NOL6: variants seen among roughly 807,000 people sequenced by gnomAD.
The protein encoded by NOL6 is nucleolar RNA-associated protein.
NOL6 carries 33 observed loss-of-function variants against 131.7 expected under a neutral mutation model. The ratio of observed to expected loss-of-function variants is 0.25; its 90% CI spans 0.19 to 0.33. NOL6 has a LOEUF of 0.33. Among genes scored for constraint, NOL6 ranks in the 10% least tolerant of loss-of-function variants. The probability of loss-of-function intolerance (pLI) is 1.00; values close to 1 mark genes in which losing one functional copy is unlikely to be tolerated. For missense variants in NOL6, 1,297 were observed against 1,494.5 expected (o/e 0.87, Z 2.18); for synonymous variants, 580 against 605.7 (o/e 0.96, Z 0.62).
rs1827442061 is a variant in NOL6 at position 33,472,532 on chromosome 9, G to A, written c.55-120C>T. On this transcript the variant is annotated intron_variant, in intron 1 of 25. Coordinates refer to ENST00000297990, the MANE Select transcript of NOL6 (RefSeq NM_022917.5). ...ACCTGCTCTGTCCCTCTTTTGAGTA[G>A]GAGTCAGATTTTGTAAAACTCAGGA... 1.0e-5 allele frequency: 8 copies of A among 771,410 alleles called. No homozygotes were observed. The Admixed American group carries it at 1.9e-4, about 18-fold the overall frequency. The allele number at this position is 771,410 out of a possible 1,614,324, so 47.8% of individuals were successfully genotyped here.
At chr9:33,470,242 T>G (rs577926244) in intron 3 of NOL6, 51 bp from the exon 4 acceptor site, 1 of 1,423,112 alleles carries the variant, frequency 7.0e-7, no homozygotes, top group East Asian at 2.5e-5. Flanking sequence ...CTTCCTCACA[T>G]GTACCCTTTA....
At position 33,467,018 on chromosome 9, in the gene NOL6, AT is replaced by A; in HGVS notation, c.1875-32del. On this transcript the variant is annotated intron_variant, in intron 14 of 25. Coordinates refer to ENST00000297990, the MANE Select transcript of NOL6 (RefSeq NM_022917.5). The surrounding 1 kb of genome is among the most constrained non-coding windows in gnomAD (Gnocchi z 4.4). ...AAAGAGGCAGAGACACAGTGAGAAA[AT>A]TTGGGGCTATGTTCTCGCTCAACTG... 6.2e-7 allele frequency: 1 copy of A among 1,613,974 alleles called. No homozygotes were observed. The highest frequency in any genetic ancestry group is 1.1e-5 in the South Asian group (1 of 91,058).
chr9:33,468,410 C>T lies in NOL6; in HGVS notation c.1219G>A (p.Asp407Asn). The change falls in exon 10 of 26, where the codon GAC becomes AAC. Residue 407 changes from aspartate to asparagine, a missense_variant. Coordinates refer to ENST00000297990, the MANE Select transcript of NOL6 (RefSeq NM_022917.5). Reference protein sequence around the residue: ...SSDPSLPALADFHQAFSVVFL... With the variant: ...SSDPSLPALANFHQAFSVVFL... ...ACAACGGAGAAGGCCTGGTGGAAGT[C>T]AGCCAGGGCCGGCTTGGGGGGTGTA... 1 of 1,614,138 alleles carries T rather than the reference C, an allele frequency of 6.2e-7. No homozygotes were observed. Among genetic ancestry groups the T allele is most frequent in the African/African-American group, 1.3e-5 (1 of 75,054 alleles).
chr9:33,470,163 C>G lies in NOL6; in HGVS notation c.407G>C (p.Gly136Ala), dbSNP rs1827369434. ...CACTTGGTGGAGGGGCACTCGAACC[C>G]CAGCTGGGAGCCATGCCTGGTCAGT... is the stretch of plus-strand genomic sequence containing the variant. ...ELTDQAWLPA[G>A]VRVPLHQVPY... The change falls in exon 4 of 26, where the codon GGG becomes GCG. Residue 136 changes from glycine (G) to alanine (A), a missense_variant. Physicochemically the swap from Gly to Ala is moderately conservative, Grantham distance 60 (BLOSUM62 0). Coordinates refer to ENST00000297990, the MANE Select transcript of NOL6 (RefSeq NM_022917.5). The G allele has an allele frequency of 6.3e-7, 1 of 1,597,830 alleles. No homozygotes were observed. Among genetic ancestry groups the G allele is most frequent in the Non-Finnish European group, 8.6e-7 (1 of 1,169,448 alleles).
chr9:33,467,361 A>G lies in NOL6; in HGVS notation c.1725+33T>C. ...AGGTGCCATGAGGACGAGCCACCCC[A>G]TTCCTTCCAGTGTACATGCTGGGGT... On this transcript the variant is annotated intron_variant, in intron 13 of 25. Coordinates refer to ENST00000297990, the MANE Select transcript of NOL6 (RefSeq NM_022917.5). This position sits in a 1 kb window ranked among gnomAD's most constrained non-coding sequence, Gnocchi z 4.4. 6.2e-7 allele frequency: 1 copy of G among 1,612,182 alleles called. No homozygotes were observed. Among genetic ancestry groups the G allele is most frequent in the Non-Finnish European group, 8.5e-7 (1 of 1,178,498 alleles).
In NOL6 at chr9:33,466,214, G is replaced by A. The variant is rs1431028105; in HGVS notation, c.2221C>T (p.Leu741=). The A allele has an allele frequency of 6.2e-7, 1 of 1,611,200 alleles. No homozygotes were observed. Among genetic ancestry groups the A allele is most frequent in the Admixed American group, 1.7e-5 (1 of 59,838 alleles). The part of the protein sequence containing the change: ...YVEPMTVVCH[L]EGSGQWPQDA... ...TGTGGCCACTGGCCACTGCCCTCCA[G>A]GTGACAAACCACTGAGGAAGAAGAG... Residue 741 remains leucine (L), a synonymous_variant, in exon 18 of 26, where the codon CTG becomes TTG. Coordinates refer to ENST00000297990, the MANE Select transcript of NOL6 (RefSeq NM_022917.5).
At chr9:33,471,921 AG>A (rs1156325087) in intron 3 of NOL6, 82 bp downstream of exon 3, 10 of 991,744 alleles carry the variant, frequency 1.0e-5, no homozygotes, top group Admixed American at 3.4e-5. Context: ...ACCCTTAAAC[AG>A]AGTAACAGCA....
At chr9:33,465,478 A>T in intron 19 of NOL6, 119 bp from the exon 20 acceptor site, 1 of 1,246,342 alleles carries the variant, frequency 8.0e-7, no homozygotes, top group Non-Finnish European at 1.1e-6. Context: ...ATATTCTCTT[A>T]AGAAATGCAC....
At chr9:33,472,590 T>C (rs1827444204) in intron 1 of NOL6, 178 bp from the exon 2 acceptor site, 2 of 616,228 alleles carry the variant, frequency 3.2e-6, no homozygotes, top group Admixed American at 2.8e-5. Flanking sequence ...CACTGAGCGC[T>C]GAGCCGAAAA....
chr9:33,468,681 G>C, intron 8 of NOL6, 71 bp downstream of exon 8: 1 of 1,610,738 alleles, frequency 6.2e-7, no homozygotes, highest in Non-Finnish European at 8.5e-7. Context: ...AACACCAAAA[G>C]ACTGCTACTG....
chr9:33,462,196 T>C lies in NOL6; in HGVS notation c.*468A>G, dbSNP rs990239420. The stretch of plus-strand genomic sequence containing the variant: ...GGTGATGTGACTCAGAAGGGCCACA[T>C]TTTCGCTGGGTCCCATCTAAAGGCC... On this transcript the variant is annotated 3_prime_UTR_variant, in exon 26 of 26. Coordinates refer to ENST00000297990, the MANE Select transcript of NOL6 (RefSeq NM_022917.5). The C allele has an allele frequency of 5.6e-6, 4 of 717,464 alleles. No individual in the cohort carries two copies. The highest frequency in any genetic ancestry group is 4.0e-5 in the Admixed American group (2 of 50,014). 44.4% of individuals were successfully genotyped at this position (717,464 alleles called of 1,614,324 possible). A position where few individuals can be genotyped will look rare whatever the true frequency, so the allele number is the denominator to read the frequency against.
At position 33,469,345 on chromosome 9, in the gene NOL6, C is replaced by A. The variant is rs762582132; in HGVS notation, c.728-4G>T. 6 of 1,613,870 alleles carry A rather than the reference C, an allele frequency of 3.7e-6. No individual in the cohort carries two copies. The highest frequency in any genetic ancestry group is 1.7e-5 in the Admixed American group (1 of 59,996). ...GTGACCAGGCGCTCATCCTTTCCTG[C>A]CAGAGACAGTGAGTGCTGAGACTCT... is the stretch of plus-strand genomic sequence containing the variant. On this transcript the variant is annotated splice_polypyrimidine_tract_variant and splice_region_variant and intron_variant, in intron 5 of 25. Transcript: ENST00000297990.
rs765767073 is a variant in NOL6 at position 33,467,176 on chromosome 9, C to T, written c.1812G>A (p.Glu604=). The change falls in exon 14 of 26, where the codon GAG becomes GAA. Residue 604 remains glutamate, a synonymous_variant. Coordinates refer to ENST00000297990, the MANE Select transcript of NOL6 (RefSeq NM_022917.5). This position sits in a 1 kb window ranked among gnomAD's most constrained non-coding sequence, Gnocchi z 4.4. ...DGAIREAVVW[E]AASMSQKRLI... ...GGCGCTTCTGGGACATAGAGGCTGC[C>T]TCCCAGACCACAGCTTCCCGAATGG... The T allele has an allele frequency of 6.2e-7, 1 of 1,614,204 alleles. No homozygotes were observed.
chr9:33,466,176 G>C lies in NOL6; in HGVS notation c.2259C>G (p.Ala753=), dbSNP rs907570443. The C allele has an allele frequency of 6.2e-7, 1 of 1,612,954 alleles. No individual in the cohort carries two copies. The highest frequency in any genetic ancestry group is 8.5e-7 in the Non-Finnish European group (1 of 1,179,682). Residue 753 remains alanine, a synonymous_variant, in exon 18 of 26, where the codon GCC becomes GCG. Coordinates refer to ENST00000297990, the MANE Select transcript of NOL6 (RefSeq NM_022917.5). ...GGAAGGCAGCTCGGACCCGCTGCAC[G>C]GCCTCAGCGTCCTGTGGCCACTGGC... The part of the protein sequence containing the change: ...GSGQWPQDAE[A]VQRVRAAFQL...
intron 25 of NOL6, 64 bp downstream of exon 25, chr9:33,462,969 C>T (rs1827138492): frequency 6.5e-7 from 1 of 1,542,996 alleles, no homozygotes; most frequent in East Asian, 2.3e-5. Context: ...TACACACAGA[C>T]ATGCATGCCC....
intron 3 of NOL6, 128 bp downstream of exon 3, chr9:33,471,876 C>G (rs1827419200): frequency 1.4e-6 from 1 of 731,360 alleles, no homozygotes; most frequent in South Asian, 1.5e-5. Flanking sequence ...CCCAGCTAAG[C>G]TTCCTTGCTG....
Position 33,462,378 on chromosome 9 carries a change from G to C in NOL6, c.*286C>G. ...GGGAGGTCCAGGCCCAGGGCTAATA[G>C]GTGGATGGATCTCCTGGGTTCAGTT... On this transcript the variant is annotated 3_prime_UTR_variant, in exon 26 of 26. Coordinates refer to ENST00000297990, the MANE Select transcript of NOL6 (RefSeq NM_022917.5). 2 of 634,500 alleles carry C rather than the reference G, an allele frequency of 3.2e-6. No homozygotes were observed. Among genetic ancestry groups the C allele is most frequent in the South Asian group, 3.6e-5 (2 of 55,658 alleles). The allele number at this position is 634,500 out of a possible 1,614,324, so 39.3% of individuals were successfully genotyped here.
chr9:33,467,298 G>C lies in NOL6; in HGVS notation c.1726-36C>G. On this transcript the variant is annotated intron_variant, in intron 13 of 25. Transcript: ENST00000297990. The surrounding 1 kb of genome is among the most constrained non-coding windows in gnomAD (Gnocchi z 4.4). The stretch of plus-strand genomic sequence containing the variant: ...AAGGGTGGTAGTAGAGCTGGGGAAG[G>C]AAGGGCTCTGTGGACCCTCCCCAAC... 1 of 1,611,790 alleles carries C rather than the reference G, an allele frequency of 6.2e-7. No homozygotes were observed. The highest frequency in any genetic ancestry group is 8.5e-7 in the Non-Finnish European group (1 of 1,178,090).
chr9:33,463,113 G>C lies in NOL6; in HGVS notation c.3211C>G (p.Leu1071Val), dbSNP rs1158331649. ...QLREAFGDLA[L>V]FFYDQHGGEV... Reference sequence around the variant, plus strand: ...CCACCATGCTGGTCATAGAAGAAAAGGGCCAGATCCCCAAAGGCCTCCTAG... The same window carrying C: ...CCACCATGCTGGTCATAGAAGAAAACGGCCAGATCCCCAAAGGCCTCCTAG... The change falls in exon 25 of 26, where the codon CTT (leucine) becomes GTT (valine). Residue 1071 changes from leucine to valine, a missense_variant. By Grantham distance (32) the Leu-to-Val change is conservative. Coordinates refer to ENST00000297990, the MANE Select transcript of NOL6 (RefSeq NM_022917.5). 1.2e-6 allele frequency: 2 copies of C among 1,613,674 alleles called. No homozygotes were observed. Among genetic ancestry groups the C allele is most frequent in the Admixed American group, 3.3e-5 (2 of 59,944 alleles).
Sources: gnomAD v4.1 joint callset for allele counts on GRCh38, gnomAD v4.1.1 for gene constraint, Gnocchi (gnomAD v3.1) non-coding constraint, MANE v1.5 for transcripts, NCBI Gene and HGNC (gene_info 2026-07-23, HGNC 2026-07-21) for gene names.